CKAP5: variants seen among roughly 807,000 people sequenced by gnomAD.
The protein encoded by CKAP5 is cytoskeleton-associated protein 5.
Under a neutral mutation model 232.8 loss-of-function variants are expected in CKAP5, and 27 were observed. The observed-to-expected ratio is 0.12, with a 90% CI of 0.09 to 0.16. The LOEUF (loss-of-function observed/expected upper bound fraction) is 0.16, where lower values mean the gene tolerates loss of function less well. Among genes scored for constraint, CKAP5 ranks in the 10% least tolerant of loss-of-function variants. CKAP5 has a pLI of 1.00. For synonymous variants in CKAP5, 785 were observed against 841.1 expected, an observed-to-expected ratio of 0.93 and a Z score of 1.16; for missense variants, 1,838 against 2,424.7, an observed-to-expected ratio of 0.76 and a Z score of 5.08.
intron 24 of CKAP5, among the ~76,000 whole-genome samples, chr11:46,773,405 T>C (rs2065266103): frequency 6.6e-6 from 1 of 151,124 alleles, no homozygotes; most frequent in South Asian, 2.1e-4. Flanking sequence ...CCCACCACCA[T>C]GCCCAGCTAA....
Position 46,803,316 on chromosome 11 carries a change from AG to A in CKAP5, c.979-2013del, listed in dbSNP as rs1305066010. On this transcript the variant is annotated intron_variant, in intron 8 of 43. Transcript: ENST00000529230. ...AGACTTCAAAAAGATTTTTTTTTTG[AG>A]ACAGAGTCTGGCTTGATCTCAGCTC... 2.0e-5 allele frequency among the ~76,000 whole-genome samples: 3 copies of A among 151,386 alleles called. No homozygotes were observed. The East Asian group carries it at 5.8e-4, about 29-fold the overall frequency.
At chr11:46,835,255 A>G (rs576276655) in intron 1 of CKAP5, among the ~76,000 whole-genome samples, 1 of 152,080 alleles carries the variant, frequency 6.6e-6, no homozygotes, top group Non-Finnish European at 1.5e-5. Flanking sequence ...TATCCTTTAA[A>G]ATACATATAT....
intron 1 of CKAP5, among the ~76,000 whole-genome samples, chr11:46,822,001 T>A (rs1939545186): frequency 6.6e-6 from 1 of 152,108 alleles, no homozygotes; most frequent in Admixed American, 6.5e-5. Flanking sequence ...ATTGTCCCAC[T>A]GCATTCCAGC....
chr11:46,837,684 C>T (rs558405675), intron 1 of CKAP5, among the ~76,000 whole-genome samples: 2 of 151,818 alleles, frequency 1.3e-5, no homozygotes, highest in Admixed American at 6.6e-5. Context: ...CACACACACA[C>T]ACATGTATGT....
intron 1 of CKAP5, among the ~76,000 whole-genome samples, chr11:46,831,028 G>A (rs912488170): frequency 1.3e-5 from 2 of 152,128 alleles, no homozygotes; most frequent in Non-Finnish European, 2.9e-5. Context: ...TCGCGTCACT[G>A]CACTCCAGGC....
At chr11:46,816,821 G>A (rs1939413876) in intron 3 of CKAP5, among the ~76,000 whole-genome samples, 1 of 145,176 alleles carries the variant, frequency 6.9e-6, no homozygotes. Flanking sequence ...AAAGAGACAG[G>A]GTTGGTCGGG....
chr11:46,790,259 C>T (rs1938685035), intron 14 of CKAP5, 73 bp from the exon 15 acceptor site: 1 of 1,024,222 alleles, frequency 9.8e-7, no homozygotes, highest in Non-Finnish European at 1.5e-6. Flanking sequence ...AAACATACTC[C>T]AGCCAAAACT....
intron 7 of CKAP5, 21 bp downstream of exon 7, chr11:46,809,379 A>G (rs761104139): frequency 5.0e-6 from 7 of 1,411,284 alleles, no homozygotes; most frequent in East Asian, 2.3e-5. Context: ...AATAAATGAA[A>G]GAAGTTTAAC....
intron 26 of CKAP5, among the ~76,000 whole-genome samples, chr11:46,768,745 C>T (rs1323227405): frequency 6.6e-6 from 1 of 151,860 alleles, no homozygotes; most frequent in African/African-American, 2.4e-5. Flanking sequence ...CCAAGACTAG[C>T]TAATTTTTGT....
intron 15 of CKAP5, among the ~76,000 whole-genome samples, chr11:46,789,637 A>G (rs1426970717): frequency 6.6e-6 from 1 of 151,770 alleles, no homozygotes; most frequent in Non-Finnish European, 1.5e-5. Context: ...TCTACTAAAA[A>G]TCCAAAAAAT....
At position 46,815,241 on chromosome 11, in the gene CKAP5, C is replaced by CAT. The variant is rs556268470; in HGVS notation, c.458+956_458+957insAT. Among the ~76,000 whole-genome samples the CAT allele has an allele frequency of 2.8e-3, 420 of 152,146 alleles. 2 individuals are homozygous for CAT. The highest frequency in any genetic ancestry group is 9.6e-3 in the African/African-American group (398 of 41,516). On this transcript the variant is annotated intron_variant, in intron 4 of 43. Coordinates refer to ENST00000529230, the MANE Select transcript of CKAP5 (RefSeq NM_001008938.4). ...AATTTTTTCGTATTTTTGGTAGAGA[C>CAT]GTTTCACCACATTGGCCAGGCTGGT...
chr11:46,766,736 C>A (rs746306626), intron 27 of CKAP5, among the ~76,000 whole-genome samples: 3 of 152,076 alleles, frequency 2.0e-5, no homozygotes, highest in Non-Finnish European at 4.4e-5. Context: ...GAGATAATGA[C>A]AATTTACTGT....
chr11:46,844,813 T>C (rs1482518639), intron 1 of CKAP5, among the ~76,000 whole-genome samples: 1 of 151,848 alleles, frequency 6.6e-6, no homozygotes, highest in Non-Finnish European at 1.5e-5. Flanking sequence ...AGCCATTTTT[T>C]GTATTTTTAG....
intron 25 of CKAP5, chr11:46,770,327 G>A (rs1161335454): frequency 9.0e-6 from 5 of 552,560 alleles, no homozygotes; most frequent in Non-Finnish European, 1.6e-5. Context: ...GAGGTCAGCA[G>A]ATTTTTACTT....
intron 1 of CKAP5, among the ~76,000 whole-genome samples, chr11:46,827,231 C>T (rs1052016732): frequency 2.0e-5 from 3 of 152,056 alleles, no homozygotes; most frequent in Non-Finnish European, 4.4e-5. Context: ...ATACATAGCC[C>T]CTCATTATAT....
At chr11:46,783,871 A>G (rs2065363410) in intron 17 of CKAP5, among the ~76,000 whole-genome samples, 2 of 151,286 alleles carry the variant, frequency 1.3e-5, no homozygotes, top group South Asian at 4.2e-4. Flanking sequence ...ACGCCTGGCT[A>G]ATTTTTGTAT....
intron 1 of CKAP5, among the ~76,000 whole-genome samples, chr11:46,838,793 C>CAAAAA (rs71042626): frequency 2.2e-5 from 1 of 45,928 alleles, no homozygotes; most frequent in East Asian, 7.6e-4. Flanking sequence ...GACCCCATCT[C>CAAAAA]AAAAAAAAAA....
At chr11:46,806,909 G>A (rs1939168517) in intron 8 of CKAP5, among the ~76,000 whole-genome samples, 1 of 152,160 alleles carries the variant, frequency 6.6e-6, no homozygotes, top group Non-Finnish European at 1.5e-5. Flanking sequence ...CTATAAACAA[G>A]TGTCTTTTTC....
intron 24 of CKAP5, among the ~76,000 whole-genome samples, chr11:46,771,229 A>G (rs1231031715): frequency 6.6e-6 from 1 of 152,252 alleles, no homozygotes; most frequent in African/African-American, 2.4e-5. Flanking sequence ...TTAAATTATA[A>G]AGCTTTAATA....
Sources: gnomAD v4.1 joint callset for allele counts (sites outside exome capture counted in the v4.1 genomes callset) on GRCh38, gnomAD v4.1.1 for gene constraint, MANE v1.5 for transcripts, NCBI Gene and HGNC (gene_info 2026-07-23, HGNC 2026-07-21) for gene names.